The following EML1 variants were observed in gnomAD, a reference collection of about 807,000 sequenced individuals.
EML1 encodes the protein echinoderm microtubule-associated protein-like 1.
EML1 carries 27 observed loss-of-function variants against 110.4 expected under a neutral mutation model. That is an observed-to-expected ratio of 0.24 (90% CI 0.18 to 0.34). EML1 has a LOEUF of 0.34. Ranked by LOEUF, EML1 falls within the 10% of genes least tolerant of loss-of-function variation. The probability of loss-of-function intolerance (pLI) is 1.00; values close to 1 mark genes in which losing one functional copy is unlikely to be tolerated. For synonymous variants in EML1, 344 were observed against 385.8 expected (o/e 0.89, Z 1.27); for missense variants, 741 against 1,030.9 (o/e 0.72, Z 3.85).
At chr14:99,841,426 T>C (rs955304209) in intron 1 of EML1, among the ~76,000 whole-genome samples, 5 of 152,194 alleles carry the variant, frequency 3.3e-5, no homozygotes, top group African/African-American at 2.4e-5. Context: ...AACATTCATC[T>C]TCACAGGAAC....
chr14:99,836,543 G>T (rs973613280), intron 1 of EML1, among the ~76,000 whole-genome samples: 1 of 152,166 alleles, frequency 6.6e-6, no homozygotes, highest in African/African-American at 2.4e-5. Context: ...CTTGCAGTAT[G>T]ATGTTGAATG....
intron 1 of EML1, among the ~76,000 whole-genome samples, chr14:99,782,364 C>A (rs2057549478): frequency 6.6e-6 from 1 of 152,202 alleles, no homozygotes; most frequent in African/African-American, 2.4e-5. Context: ...GCTAGGCTTG[C>A]AGCAGAGACT....
chr14:99,904,109 C>A (rs2059805273), intron 9 of EML1, among the ~76,000 whole-genome samples: 1 of 152,070 alleles, frequency 6.6e-6, no homozygotes, highest in African/African-American at 2.4e-5. Flanking sequence ...ATCACTGTGA[C>A]CATAAGGTAA....
At chr14:99,828,883 G>A (rs2058402980) in intron 1 of EML1, among the ~76,000 whole-genome samples, 1 of 152,116 alleles carries the variant, frequency 6.6e-6, no homozygotes, top group Non-Finnish European at 1.5e-5. Context: ...TCATCATAAC[G>A]GTCTTCATCC....
intron 16 of EML1, among the ~76,000 whole-genome samples, chr14:99,918,852 A>G (rs956293121): frequency 3.3e-5 from 5 of 152,188 alleles, no homozygotes; most frequent in Admixed American, 3.3e-4. Flanking sequence ...TGCTTTTTCT[A>G]GCTGCCCTTT....
chr14:99,940,171 C>T lies in EML1; in HGVS notation c.*59C>T, dbSNP rs1002707934. On this transcript the variant is annotated 3_prime_UTR_variant, in exon 22 of 22. Coordinates refer to ENST00000262233, the MANE Select transcript of EML1 (RefSeq NM_004434.3). ...AAGGAAGACACAGACTCGCATTACCCTTGGTCACTGTGATTTCTGTTTTGT... is the reference window on the plus strand; with the variant it reads ...AAGGAAGACACAGACTCGCATTACCTTTGGTCACTGTGATTTCTGTTTTGT... The T allele has an allele frequency of 7.1e-7, 1 of 1,415,116 alleles. No individual in the cohort carries two copies. Among genetic ancestry groups the T allele is most frequent in the Non-Finnish European group, 9.2e-7 (1 of 1,081,184 alleles). The allele number at this position is 1,415,116 out of a possible 1,614,324, so 87.7% of individuals were successfully genotyped here. A position where few individuals can be genotyped will look rare whatever the true frequency, so the allele number is the denominator to read the frequency against.
intron 4 of EML1, among the ~76,000 whole-genome samples, chr14:99,884,781 C>T (rs1187464509): frequency 1.3e-5 from 2 of 152,166 alleles, no homozygotes; most frequent in Non-Finnish European, 2.9e-5. Flanking sequence ...AGGCAAACAC[C>T]TTCTAGCACC....
chr14:99,760,058 G>A (rs2057297637), intron 1 of EML1, among the ~76,000 whole-genome samples: 1 of 130,936 alleles, frequency 7.6e-6, no homozygotes, highest in Admixed American at 8.8e-5. Flanking sequence ...ACCCCAGCCT[G>A]GGCAACAAGA....
intron 1 of EML1, among the ~76,000 whole-genome samples, chr14:99,797,965 G>C (rs1231405732): frequency 2.0e-5 from 3 of 152,142 alleles, no homozygotes; most frequent in African/African-American, 7.2e-5. Flanking sequence ...GGGGAAGCTG[G>C]AAAGGCTGTT....
chr14:99,809,436 C>A (rs779048732), intron 1 of EML1: 4 of 328,264 alleles, frequency 1.2e-5, no homozygotes, highest in Non-Finnish European at 1.8e-5. Context: ...CGCATACTTA[C>A]TCACGCAATT....
intron 1 of EML1, among the ~76,000 whole-genome samples, chr14:99,738,219 AGT>A (rs1457656164): frequency 6.6e-6 from 1 of 152,132 alleles, no homozygotes; most frequent in Non-Finnish European, 1.5e-5. Flanking sequence ...CATGCAGACG[AGT>A]GTGTGTGAAC....
intron 1 of EML1, among the ~76,000 whole-genome samples, chr14:99,765,395 G>T (rs978984462): frequency 6.6e-6 from 1 of 152,048 alleles, no homozygotes; most frequent in Admixed American, 6.6e-5. Flanking sequence ...ACCACGCCAG[G>T]CCCCTGGCTA....
chr14:99,837,587 G>A (rs920438945), intron 1 of EML1, among the ~76,000 whole-genome samples: 2 of 152,094 alleles, frequency 1.3e-5, no homozygotes, highest in Non-Finnish European at 2.9e-5. Context: ...ACCTTAAACC[G>A]TTGTAGCTCC....
chr14:99,753,207 G>GC (rs1234324705), intron 1 of EML1, among the ~76,000 whole-genome samples: 7 of 23,678 alleles, frequency 3.0e-4, no homozygotes, highest in East Asian at 2.7e-3. Flanking sequence ...CCCCCCCGCC[G>GC]CCCCCCCACC....
At chr14:99,739,099 A>T (rs1265090715) in intron 1 of EML1, among the ~76,000 whole-genome samples, 1,836 of 97,600 alleles carry the variant, frequency 0.019, 38 homozygotes, top group African/African-American at 0.063. Flanking sequence ...TGTGAGAGAG[A>T]GAGACAGAGA....
intron 15 of EML1, among the ~76,000 whole-genome samples, chr14:99,916,265 G>T (rs2060032880): frequency 6.6e-6 from 1 of 152,326 alleles, no homozygotes; most frequent in South Asian, 2.1e-4. Context: ...ACGAGGCTTA[G>T]ATGAATGACA....
chr14:99,838,166 G>A (rs574546979), intron 1 of EML1, among the ~76,000 whole-genome samples: 1 of 152,196 alleles, frequency 6.6e-6, no homozygotes, highest in South Asian at 2.1e-4. Flanking sequence ...GGGGAATATT[G>A]TCTGAAACTA....
At chr14:99,752,531 C>G (rs1202910554) in intron 1 of EML1, among the ~76,000 whole-genome samples, 1 of 152,228 alleles carries the variant, frequency 6.6e-6, no homozygotes, top group Non-Finnish European at 1.5e-5. Context: ...CAGAAAGTGT[C>G]CTGGTCCCCT....
chr14:99,844,502 AAC>A (rs1175492411), intron 1 of EML1, among the ~76,000 whole-genome samples: 5 of 151,962 alleles, frequency 3.3e-5, no homozygotes, highest in Non-Finnish European at 5.9e-5. Flanking sequence ...AAATTGGCAA[AAC>A]CAATGAGTGG....
Sources: gnomAD v4.1 joint callset for allele counts (sites outside exome capture counted in the v4.1 genomes callset) on GRCh38, gnomAD v4.1.1 for gene constraint, MANE v1.5 for transcripts, NCBI Gene and HGNC (gene_info 2026-07-23, HGNC 2026-07-21) for gene names.